The following RYR2 variants were observed in gnomAD, a reference collection of about 807,000 sequenced individuals.
RYR2 encodes the protein ryanodine receptor 2.
In RYR2, 227 loss-of-function variants were observed where a neutral mutation model predicts 601.1. The observed-to-expected ratio is 0.38, with a 90% CI of 0.34 to 0.42. The LOEUF (loss-of-function observed/expected upper bound fraction) is 0.42, where lower values mean the gene tolerates loss of function less well. Among genes scored for constraint, RYR2 ranks in the 10% least tolerant of loss-of-function variants. The pLI is 1.00. For missense variants in RYR2, 4,646 were observed against 6,156.5 expected (o/e 0.75, Z 8.21); for synonymous variants, 2,223 against 2,175.1 (o/e 1.02, Z -0.61).
At chr1:237,080,811 C>A in intron 1 of RYR2, among the ~76,000 whole-genome samples, 1 of 105,792 alleles carries the variant, frequency 9.5e-6, no homozygotes. Flanking sequence ...AGTCATGCTG[C>A]TATAAAGACA....
At chr1:237,375,924 G>A (rs893207045) in intron 7 of RYR2, among the ~76,000 whole-genome samples, 4 of 152,112 alleles carry the variant, frequency 2.6e-5, no homozygotes, top group Non-Finnish European at 5.9e-5. Flanking sequence ...TTCTCCCTGC[G>A]TCCTGATTTC....
In RYR2 at chr1:237,680,585, G is replaced by T. The variant is rs1250243886; in HGVS notation, c.9017+8G>T. ...GAAAGAAATGGTGACTAGGTAAACAGCTATAAAAATAAGCACTGTTGTATG... is the reference window on the plus strand; with the variant it reads ...GAAAGAAATGGTGACTAGGTAAACATCTATAAAAATAAGCACTGTTGTATG... On this transcript the variant is annotated splice_region_variant and intron_variant, in intron 62 of 104. Coordinates refer to ENST00000366574, the MANE Select transcript of RYR2 (RefSeq NM_001035.3). The T allele has an allele frequency of 1.3e-6, 2 of 1,590,568 alleles. No homozygotes were observed. The highest frequency in any genetic ancestry group is 1.3e-5 in the African/African-American group (1 of 74,514).
chr1:237,081,622 C>T (rs1364583195), intron 1 of RYR2, among the ~76,000 whole-genome samples: 1 of 151,960 alleles, frequency 6.6e-6, no homozygotes, highest in Non-Finnish European at 1.5e-5. Context: ...CACACATACG[C>T]ACACACTCTC....
chr1:237,089,347 T>G (rs1021614901), intron 1 of RYR2, among the ~76,000 whole-genome samples: 5 of 152,264 alleles, frequency 3.3e-5, no homozygotes, highest in Admixed American at 6.5e-5. Flanking sequence ...AAGATAGTAG[T>G]GTAGAAAAGA....
intron 3 of RYR2, among the ~76,000 whole-genome samples, chr1:237,337,881 C>T (rs778869756): frequency 7.9e-5 from 12 of 152,158 alleles, no homozygotes; most frequent in Non-Finnish European, 1.2e-4. Flanking sequence ...TGGCTTAAAA[C>T]AACATACATT....
rs1162879498 is a variant in RYR2, at chr1:237,786,159, T to C, written c.13328+123T>C. The C allele has an allele frequency of 7.5e-6, 5 of 665,642 alleles. No homozygotes were observed. The African/African-American group carries it at 9.1e-5, about 12-fold the overall frequency. 41.2% of individuals were successfully genotyped at this position (665,642 alleles called of 1,614,324 possible). Reference sequence around the variant, plus strand: ...TATTGTCAAGGAGCCACAGAACTAATTGTGCCATCTCCGTGGAGAGGCTCT... The same window carrying C: ...TATTGTCAAGGAGCCACAGAACTAACTGTGCCATCTCCGTGGAGAGGCTCT... On this transcript the variant is annotated intron_variant, in intron 91 of 104. Coordinates refer to ENST00000366574, the MANE Select transcript of RYR2 (RefSeq NM_001035.3).
chr1:237,096,146 C>T (rs1667481308), intron 1 of RYR2, among the ~76,000 whole-genome samples: 1 of 152,116 alleles, frequency 6.6e-6, no homozygotes, highest in South Asian at 2.1e-4. Flanking sequence ...GGAATAAAAA[C>T]CGGATTGGAC....
At chr1:237,051,894 A>G (rs1472099429) in intron 1 of RYR2, among the ~76,000 whole-genome samples, 1 of 152,120 alleles carries the variant, frequency 6.6e-6, no homozygotes, top group Non-Finnish European at 1.5e-5. Context: ...TTAAAATGAG[A>G]GGGAAACTTG....
At chr1:237,069,077 C>A (rs550011189) in intron 1 of RYR2, among the ~76,000 whole-genome samples, 1 of 152,174 alleles carries the variant, frequency 6.6e-6, no homozygotes, top group Non-Finnish European at 1.5e-5. Context: ...ATCTCTTGAA[C>A]TGTGAATTGT....
intron 3 of RYR2, among the ~76,000 whole-genome samples, chr1:237,333,134 T>A (rs185752242): frequency 6.6e-6 from 1 of 152,366 alleles, no homozygotes; most frequent in East Asian, 1.9e-4. Flanking sequence ...TGTTGAACAC[T>A]ATTTTATAAA....
rs1200411035 is a variant in RYR2 at position 237,714,990 on chromosome 1, TCAAAAAAAAA to T, written c.10324-2207_10324-2198del. Among the ~76,000 whole-genome samples, 41 of 89,382 alleles carry T rather than the reference TCAAAAAAAAA, an allele frequency of 4.6e-4. 2 individuals carry two copies. Among genetic ancestry groups the T allele is most frequent in the East Asian group, 4.0e-4 (1 of 2,480 alleles). 58.6% of individuals were successfully genotyped at this position (89,382 alleles called of 152,430 possible). ...CCTGGTGACAGAGCGAGACTCCATC[TCAAAAAAAAA>T]AAAAAAAAAAAAAAAAAAAAAAAGG... is the stretch of plus-strand genomic sequence containing the variant. On this transcript the variant is annotated intron_variant, in intron 71 of 104. Coordinates refer to ENST00000366574, the MANE Select transcript of RYR2 (RefSeq NM_001035.3).
chr1:237,062,628 A>G (rs78888331), intron 1 of RYR2, among the ~76,000 whole-genome samples: 4,014 of 151,724 alleles, frequency 0.026, 171 homozygotes, highest in African/African-American at 0.09. Context: ...ATTCTTTTGG[A>G]TTTTCTATAT....
At chr1:237,223,743 A>G (rs1046162248) in intron 1 of RYR2, among the ~76,000 whole-genome samples, 2 of 152,224 alleles carry the variant, frequency 1.3e-5, no homozygotes, top group Non-Finnish European at 2.9e-5. Context: ...CGACCAGTCT[A>G]TCGGGCAGTT....
chr1:237,579,698 G>A (rs1673676495), intron 29 of RYR2, among the ~76,000 whole-genome samples: 1 of 152,130 alleles, frequency 6.6e-6, no homozygotes, highest in Non-Finnish European at 1.5e-5. Context: ...TCCCTAAAAT[G>A]AAGTCAGTAA....
chr1:237,452,707 T>C (rs1216060104), intron 14 of RYR2, among the ~76,000 whole-genome samples: 2 of 151,314 alleles, frequency 1.3e-5, no homozygotes, highest in East Asian at 1.9e-4. Context: ...ACAAGGTTAA[T>C]AGCTTTCATT....
At position 237,118,203 on chromosome 1, in the gene RYR2, T is replaced by C. The variant is rs115320421; in HGVS notation, c.48+75634T>C. ...GAAATTGATTGAAATTTATTACGTC[T>C]TTGAGAATTTTTTTTTGGAGAATTG... On this transcript the variant is annotated intron_variant, in intron 1 of 104. Transcript: ENST00000366574. Among the ~76,000 whole-genome samples, 237 of 152,252 alleles carry C rather than the reference T, an allele frequency of 1.6e-3. 1 individual carries two copies. Among genetic ancestry groups the C allele is most frequent in the Non-Finnish European group, 2.9e-3 (194 of 68,018 alleles).
At chr1:237,808,669 CAAAATAAAATAAAAT>C (rs878966941) in intron 99 of RYR2, among the ~76,000 whole-genome samples, 3 of 139,258 alleles carry the variant, frequency 2.2e-5, no homozygotes, top group South Asian at 4.5e-4. Context: ...AAAAAAAAAA[CAAAATAAAATAAAAT>C]AAAATAAAAT....
At chr1:237,576,771 A>C (rs1169490708) in intron 29 of RYR2, among the ~76,000 whole-genome samples, 1 of 152,184 alleles carries the variant, frequency 6.6e-6, no homozygotes, top group African/African-American at 2.4e-5. Flanking sequence ...GTGCTAAGAA[A>C]ATATAATTTC....
intron 41 of RYR2, among the ~76,000 whole-genome samples, chr1:237,629,728 T>G (rs1680056303): frequency 6.6e-6 from 1 of 152,226 alleles, no homozygotes; most frequent in Admixed American, 6.5e-5. Flanking sequence ...AATACAATCC[T>G]GAGGGAAGAA....
Sources: gnomAD v4.1 joint callset for allele counts (sites outside exome capture counted in the v4.1 genomes callset) on GRCh38, gnomAD v4.1.1 for gene constraint, MANE v1.5 for transcripts, NCBI Gene and HGNC (gene_info 2026-07-23, HGNC 2026-07-21) for gene names.